The following CDH18 variants were observed in gnomAD, a reference collection of about 807,000 sequenced individuals.
CDH18 encodes the protein cadherin 18, also known as cadherin-18.
In CDH18, 31 loss-of-function variants were observed where a neutral mutation model predicts 67.9. The observed-to-expected ratio is 0.46, with a 90% CI of 0.34 to 0.62. The LOEUF (loss-of-function observed/expected upper bound fraction) is 0.62, where lower values mean the gene tolerates loss of function less well. Ranked by LOEUF, CDH18 falls within the 20% of genes least tolerant of loss-of-function variation. The probability of loss-of-function intolerance (pLI) is 0.01; values close to 1 mark genes in which losing one functional copy is unlikely to be tolerated. For synonymous variants in CDH18, 362 were observed against 347.2 expected (o/e 1.04, Z -0.48); for missense variants, 890 against 975.5 (o/e 0.91, Z 1.17).
At chr5:20,457,235 G>C (rs929494192) in intron 1 of CDH18, among the ~76,000 whole-genome samples, 8 of 152,110 alleles carry the variant, frequency 5.3e-5, no homozygotes, top group Non-Finnish European at 1.2e-4. Context: ...TTTCAGGGTA[G>C]AGGCAAGACA....
At chr5:19,691,384 T>G (rs1407379780) in intron 5 of CDH18, among the ~76,000 whole-genome samples, 1 of 151,894 alleles carries the variant, frequency 6.6e-6, no homozygotes, top group Non-Finnish European at 1.5e-5. Context: ...CTAAATGACC[T>G]AGCCATAGAC....
intron 1 of CDH18, among the ~76,000 whole-genome samples, chr5:20,560,511 A>ACACACACACC (rs1197460480): frequency 2.1e-5 from 3 of 146,218 alleles, no homozygotes; most frequent in Non-Finnish European, 4.5e-5. Context: ...ACACACACAC[A>ACACACACACC]CCCCTACATT....
intron 2 of CDH18, among the ~76,000 whole-genome samples, chr5:19,930,165 G>A (rs559435443): frequency 5.3e-5 from 8 of 151,962 alleles, no homozygotes; most frequent in South Asian, 4.1e-4. Context: ...TGAAGAAAAC[G>A]GAACAAAGGG....
intron 2 of CDH18, among the ~76,000 whole-genome samples, chr5:20,081,595 T>C (rs1489336463): frequency 6.6e-6 from 1 of 152,184 alleles, no homozygotes; most frequent in Non-Finnish European, 1.5e-5. Context: ...GGTGCATATA[T>C]ACCACAGAAT....
chr5:20,223,261 A>G (rs1741371011), intron 2 of CDH18, among the ~76,000 whole-genome samples: 1 of 152,106 alleles, frequency 6.6e-6, no homozygotes, highest in Non-Finnish European at 1.5e-5. Context: ...TTGGAGTTCT[A>G]AGATTTGACG....
intron 9 of CDH18, among the ~76,000 whole-genome samples, chr5:19,532,687 G>A (rs1447459421): frequency 1.3e-5 from 2 of 152,184 alleles, no homozygotes; most frequent in African/African-American, 2.4e-5. Flanking sequence ...AGGACCCAAA[G>A]AAAGCTCTTA....
intron 7 of CDH18, among the ~76,000 whole-genome samples, chr5:19,579,293 AGT>A (rs1742836028): frequency 6.6e-6 from 1 of 151,952 alleles, no homozygotes; most frequent in African/African-American, 2.4e-5. Context: ...AGGATTGTAA[AGT>A]GTTTTTCTGT....
chr5:19,664,743 CCTCA>C (rs1757678989), intron 5 of CDH18, among the ~76,000 whole-genome samples: 2 of 151,822 alleles, frequency 1.3e-5, no homozygotes, highest in Non-Finnish European at 2.9e-5. Flanking sequence ...ATTCTATGCC[CCTCA>C]CTGCATTAAA....
chr5:20,109,574 C>T (rs1177674922), intron 2 of CDH18, among the ~76,000 whole-genome samples: 1 of 152,214 alleles, frequency 6.6e-6, no homozygotes, highest in Non-Finnish European at 1.5e-5. Context: ...AATACCTGTT[C>T]AGCAGGTAGT....
intron 2 of CDH18, among the ~76,000 whole-genome samples, chr5:20,012,472 T>C (rs983423154): frequency 1.3e-5 from 2 of 151,426 alleles, no homozygotes; most frequent in Non-Finnish European, 2.9e-5. Flanking sequence ...TATACATCAA[T>C]TTTGTTGAAG....
intron 5 of CDH18, among the ~76,000 whole-genome samples, chr5:19,628,924 GA>G (rs773519371): frequency 0.045 from 6,346 of 141,968 alleles, 340 homozygotes; most frequent in African/African-American, 0.13. Context: ...CATTCAGAAA[GA>G]AAAAAAAAAA....
chr5:19,975,049 T>A (rs186218229), intron 2 of CDH18, among the ~76,000 whole-genome samples: 1 of 152,312 alleles, frequency 6.6e-6, no homozygotes, highest in African/African-American at 2.4e-5. Flanking sequence ...AAAAAATGAT[T>A]ACTACATGTT....
In CDH18 at chr5:20,144,934, G is replaced by A. The variant is rs1481041093; in HGVS notation, c.-518+110510C>T. Among the ~76,000 whole-genome samples, 4 of 152,166 alleles carry A rather than the reference G, an allele frequency of 2.6e-5. No homozygotes were observed. In the South Asian group the frequency reaches 8.3e-4, roughly 32 times the overall value. On this transcript the variant is annotated intron_variant, in intron 2 of 14. Transcript: ENST00000507958. ...TTGAGGTGATGCTCTACCAGCCAAGGAATGCCCCAAAATTGGCTAAAACCT... is the reference window on the plus strand; with the variant it reads ...TTGAGGTGATGCTCTACCAGCCAAGAAATGCCCCAAAATTGGCTAAAACCT...
intron 3 of CDH18, among the ~76,000 whole-genome samples, chr5:19,748,225 A>C (rs892624010): frequency 1.3e-5 from 2 of 151,384 alleles, no homozygotes; most frequent in Admixed American, 6.6e-5. Context: ...TTAGTTGATA[A>C]ATAGGCTCTC....
At chr5:19,765,016 T>C (rs1310200845) in intron 3 of CDH18, among the ~76,000 whole-genome samples, 1 of 152,184 alleles carries the variant, frequency 6.6e-6, no homozygotes, top group Non-Finnish European at 1.5e-5. Flanking sequence ...AAGTCTTTCT[T>C]AAATTTTTTT....
intron 3 of CDH18, among the ~76,000 whole-genome samples, chr5:19,790,313 G>T (rs1389725874): frequency 6.6e-6 from 1 of 152,080 alleles, no homozygotes; most frequent in Non-Finnish European, 1.5e-5. Flanking sequence ...ATTACTGCAT[G>T]TATAAATTTT....
chr5:20,009,718 A>G (rs1737234448), intron 2 of CDH18, among the ~76,000 whole-genome samples: 1 of 152,144 alleles, frequency 6.6e-6, no homozygotes. Flanking sequence ...TATTTAATGG[A>G]ATCAGACTAG....
At chr5:20,191,820 T>C (rs917954310) in intron 2 of CDH18, among the ~76,000 whole-genome samples, 1 of 152,184 alleles carries the variant, frequency 6.6e-6, no homozygotes, top group African/African-American at 2.4e-5. Context: ...TATAAACATA[T>C]GTGTGCACAT....
At chr5:20,220,289 A>G (rs112053521) in intron 2 of CDH18, among the ~76,000 whole-genome samples, 1 of 152,170 alleles carries the variant, frequency 6.6e-6, no homozygotes, top group African/African-American at 2.4e-5. Context: ...AGATAGACCA[A>G]TGAAACAGAA....
Sources: allele counts gnomAD v4.1 joint callset (sites outside exome capture counted in the v4.1 genomes callset), GRCh38; gene constraint gnomAD v4.1.1; transcripts MANE v1.5; gene names NCBI Gene and HGNC (gene_info 2026-07-23, HGNC 2026-07-21).